The following ZZZ3 variants were observed in gnomAD, a reference collection of about 807,000 sequenced individuals.
ZZZ3 encodes the protein ZZ-type zinc finger-containing protein 3.
ZZZ3 carries 22 observed loss-of-function variants against 95.2 expected under a neutral mutation model. The ratio of observed to expected loss-of-function variants is 0.23; its 90% CI spans 0.17 to 0.33. The LOEUF (loss-of-function observed/expected upper bound fraction) is 0.33. ZZZ3 is among the 10% of genes least tolerant of loss of function. The pLI is 1.00. For synonymous variants in ZZZ3, 335 were observed against 358.9 expected (o/e 0.93, Z 0.75); for missense variants, 885 against 1,066.5 (o/e 0.83, Z 2.37).
intron 5 of ZZZ3, among the ~76,000 whole-genome samples, chr1:77,599,821 T>C (rs1196546629): frequency 6.6e-6 from 1 of 152,108 alleles, no homozygotes; most frequent in Non-Finnish European, 1.5e-5. Context: ...ACAAAACATG[T>C]CATCCATAAT....
intron 5 of ZZZ3, 75 bp from the exon 6 acceptor site, chr1:77,584,730 G>A: frequency 8.1e-7 from 1 of 1,242,134 alleles, no homozygotes; most frequent in Non-Finnish European, 1.1e-6. Flanking sequence ...TTCAAGCCAT[G>A]ATCTACTATT....
intron 1 of ZZZ3, among the ~76,000 whole-genome samples, chr1:77,670,395 G>A (rs1324626722): frequency 6.6e-6 from 1 of 151,930 alleles, no homozygotes; most frequent in Non-Finnish European, 1.5e-5. Context: ...CGAGTAGCTG[G>A]GACTACAGGC....
At position 77,571,103 on chromosome 1, in the gene ZZZ3, A is replaced by G. The variant is rs565534863; in HGVS notation, c.2332-2637T>C. Among the ~76,000 whole-genome samples, 4 of 152,210 alleles carry G rather than the reference A, an allele frequency of 2.6e-5. 1 individual carries two copies. The South Asian group carries it at 8.3e-4, about 32-fold the overall frequency. ...TAAGTGACCCGAATAATTAGATAAT[A>G]TAGTAAGACACGTCTTAATGAAATT... On this transcript the variant is annotated intron_variant, in intron 12 of 14. Transcript: ENST00000370801.
At chr1:77,672,923 A>T (rs1192440260) in intron 1 of ZZZ3, among the ~76,000 whole-genome samples, 1 of 152,184 alleles carries the variant, frequency 6.6e-6, no homozygotes, top group African/African-American at 2.4e-5. Context: ...TCTCCAGATT[A>T]AAAAACAAGT....
At chr1:77,655,917 T>C (rs1670233436) in intron 1 of ZZZ3, among the ~76,000 whole-genome samples, 1 of 152,226 alleles carries the variant, frequency 6.6e-6, no homozygotes. Context: ...AAATGATTAT[T>C]GGACTAGCAA....
chr1:77,582,646 T>C (rs17381664), intron 6 of ZZZ3, among the ~76,000 whole-genome samples: 42,803 of 148,778 alleles, frequency 0.29, 7,839 homozygotes, highest in Admixed American at 0.42. Context: ...CCAAAGAACA[T>C]AGGACTTTCA....
At chr1:77,634,259 T>C (rs1668100441) in intron 4 of ZZZ3, among the ~76,000 whole-genome samples, 1 of 152,130 alleles carries the variant, frequency 6.6e-6, no homozygotes, top group South Asian at 2.1e-4. Context: ...TCCAATCATT[T>C]CTCGTGTTCT....
At chr1:77,610,147 AAG>A (rs1553172100) in intron 5 of ZZZ3, among the ~76,000 whole-genome samples, 1 of 151,618 alleles carries the variant, frequency 6.6e-6, no homozygotes, top group African/African-American at 2.4e-5. Flanking sequence ...AAAAAAAAAA[AAG>A]CAGACTTTAC....
chr1:77,608,559 A>G (rs1395598714), intron 5 of ZZZ3, among the ~76,000 whole-genome samples: 2 of 152,214 alleles, frequency 1.3e-5, no homozygotes, highest in African/African-American at 2.4e-5. Flanking sequence ...AATCATCTGA[A>G]GGTACAAAAC....
At chr1:77,642,928 A>G (rs953568425) in intron 1 of ZZZ3, among the ~76,000 whole-genome samples, 4 of 152,194 alleles carry the variant, frequency 2.6e-5, no homozygotes, top group Admixed American at 6.5e-5. Context: ...GTTTTCAAAC[A>G]TTAAAACTAT....
intron 4 of ZZZ3, among the ~76,000 whole-genome samples, chr1:77,638,550 A>G (rs569513059): frequency 6.6e-6 from 1 of 152,344 alleles, no homozygotes; most frequent in Admixed American, 6.5e-5. Flanking sequence ...GACCTTGCCT[A>G]TAAGCTTTTG....
intron 12 of ZZZ3, 82 bp downstream of exon 12, chr1:77,575,986 T>C (rs755438818): frequency 1.5e-5 from 17 of 1,170,214 alleles, no homozygotes; most frequent in Middle Eastern, 2.1e-4. Flanking sequence ...AAACCAACAT[T>C]CTCTGAAGAG....
At chr1:77,584,484 C>A (rs1402195756) in intron 6 of ZZZ3, 33 bp downstream of exon 6, 1 of 1,571,324 alleles carries the variant, frequency 6.4e-7, no homozygotes. Flanking sequence ...CCAAATAGAT[C>A]TTAGTAAATC....
chr1:77,661,328 G>A (rs571350880), intron 1 of ZZZ3, among the ~76,000 whole-genome samples: 2 of 152,072 alleles, frequency 1.3e-5, no homozygotes, highest in Admixed American at 6.6e-5. Context: ...CAGGAGAATC[G>A]CTTGAGCCCA....
chr1:77,641,895 T>G (rs1198946886), intron 1 of ZZZ3, among the ~76,000 whole-genome samples: 2 of 152,210 alleles, frequency 1.3e-5, no homozygotes, highest in African/African-American at 2.4e-5. Flanking sequence ...TTTAATTCCA[T>G]ACTTAAACCC....
intron 1 of ZZZ3, among the ~76,000 whole-genome samples, chr1:77,658,434 C>T (rs568460148): frequency 2.6e-5 from 4 of 151,602 alleles, no homozygotes; most frequent in Admixed American, 6.6e-5. Context: ...CTTGATCTCC[C>T]GGGCTCAAAC....
intron 5 of ZZZ3, among the ~76,000 whole-genome samples, chr1:77,597,774 G>A (rs1238160242): frequency 4.6e-5 from 7 of 152,108 alleles, no homozygotes; most frequent in Middle Eastern, 3.4e-3. Flanking sequence ...GAAGACTCAG[G>A]AGACATGAAA....
At chr1:77,624,064 T>C (rs1667121558) in intron 5 of ZZZ3, among the ~76,000 whole-genome samples, 1 of 152,162 alleles carries the variant, frequency 6.6e-6, no homozygotes, top group South Asian at 2.1e-4. Context: ...AAATACAACA[T>C]TCCTAAGCCT....
At chr1:77,616,990 A>G (rs1018297948) in intron 5 of ZZZ3, among the ~76,000 whole-genome samples, 1 of 152,228 alleles carries the variant, frequency 6.6e-6, no homozygotes, top group African/African-American at 2.4e-5. Flanking sequence ...AATATATGTT[A>G]TAATGTATTT....
Sources: allele counts gnomAD v4.1 joint callset (sites outside exome capture counted in the v4.1 genomes callset), GRCh38; gene constraint gnomAD v4.1.1; transcripts MANE v1.5; gene names NCBI Gene and HGNC (gene_info 2026-07-23, HGNC 2026-07-21).